Variants in GLRX5 observed in about 807,000 individuals in gnomAD.
GLRX5 encodes the protein glutaredoxin 5, also known as glutaredoxin-related protein 5, mitochondrial.
In GLRX5, 10 loss-of-function variants were observed where a neutral mutation model predicts 13.8. That is an observed-to-expected ratio of 0.72 (90% CI 0.45 to 1.23). The LOEUF is 1.23. Among genes scored for constraint, GLRX5 ranks in the 50% most tolerant of loss-of-function variants. The pLI is 0.00. For missense variants in GLRX5, 233 were observed against 215.2 expected (o/e 1.08, Z -0.52); for synonymous variants, 98 against 101.1 (o/e 0.97, Z 0.18).
chr14:95,541,093 A>G lies in GLRX5; in HGVS notation c.296-2854A>G, dbSNP rs530764829. Among the ~76,000 whole-genome samples the G allele has an allele frequency of 7.2e-5, 11 of 152,378 alleles. No individual in the cohort carries two copies. In the East Asian group the frequency reaches 1.9e-3, roughly 27 times the overall value. Reference sequence around the variant, plus strand: ...AGATGGAATCACCACCGTCTATCACATATGAAATAATGATTATCATTAAAA... The same window carrying G: ...AGATGGAATCACCACCGTCTATCACGTATGAAATAATGATTATCATTAAAA... On this transcript the variant is annotated intron_variant, in intron 1 of 1. Transcript: ENST00000331334.
intron 1 of GLRX5, among the ~76,000 whole-genome samples, chr14:95,537,953 ACAT>A (rs1171761963): frequency 6.6e-6 from 1 of 152,258 alleles, no homozygotes; most frequent in Non-Finnish European, 1.5e-5. Flanking sequence ...CAGTAGACTG[ACAT>A]CATCATTTCC....
chr14:95,541,641 G>T (rs192033363), intron 1 of GLRX5, among the ~76,000 whole-genome samples: 113 of 152,294 alleles, frequency 7.4e-4, no homozygotes, highest in African/African-American at 2.6e-3. Context: ...AATTTTGGTG[G>T]TAAGGATTCT....
At chr14:95,539,503 C>A (rs1159988797) in intron 1 of GLRX5, among the ~76,000 whole-genome samples, 1 of 152,154 alleles carries the variant, frequency 6.6e-6, no homozygotes, top group Admixed American at 6.5e-5. Context: ...TGGCATAATA[C>A]CATTTGTATA....
intron 1 of GLRX5, among the ~76,000 whole-genome samples, chr14:95,540,916 C>T (rs987080403): frequency 3.9e-5 from 6 of 152,134 alleles, no homozygotes; most frequent in African/African-American, 1.4e-4. Context: ...TGTACTCTTT[C>T]TGGGTTGATA....
chr14:95,540,082 G>T (rs1177045997), intron 1 of GLRX5, among the ~76,000 whole-genome samples: 1 of 151,980 alleles, frequency 6.6e-6, no homozygotes, highest in Non-Finnish European at 1.5e-5. Context: ...GTAGGGACAG[G>T]GTTTCACCAT....
At chr14:95,535,407 G>A in intron 1 of GLRX5, 23 bp downstream of exon 1, 1 of 1,541,564 alleles carries the variant, frequency 6.5e-7, no homozygotes, top group Non-Finnish European at 8.7e-7. Context: ...TGCCGGGCAG[G>A]CGCCCTCCGC....
chr14:95,544,540 A>C lies in GLRX5; in HGVS notation c.*415A>C. ...TATGGAAAATGGTGAACAAAAAAAG[A>C]AACTGTGATAACTGGGGCGTTGTTT... On this transcript the variant is annotated 3_prime_UTR_variant, in exon 2 of 2. Coordinates refer to ENST00000331334, the MANE Select transcript of GLRX5 (RefSeq NM_016417.3). 1 of 212,724 alleles carries C rather than the reference A, an allele frequency of 4.7e-6. No individual in the cohort carries two copies. The highest frequency in any genetic ancestry group is 9.6e-6 in the Non-Finnish European group (1 of 104,178). 13.2% of individuals were successfully genotyped at this position (212,724 alleles called of 1,614,324 possible).
intron 1 of GLRX5, chr14:95,543,044 CAT>C (rs781299693): frequency 2.2e-5 from 10 of 455,968 alleles, no homozygotes; most frequent in South Asian, 9.3e-5. Flanking sequence ...TCCCTCATCT[CAT>C]GTGTGTCCTC....
chr14:95,539,390 A>G (rs573889618), intron 1 of GLRX5, among the ~76,000 whole-genome samples: 95 of 152,372 alleles, frequency 6.2e-4, no homozygotes, highest in African/African-American at 2.3e-3. Context: ...CATGATGGAA[A>G]GCTAAACTGT....
intron 1 of GLRX5, chr14:95,542,996 T>C: frequency 2.2e-6 from 1 of 455,098 alleles, no homozygotes; most frequent in Non-Finnish European, 4.4e-6. Context: ...GGCTCAGAAT[T>C]GAACAGAGTA....
intron 1 of GLRX5, 136 bp downstream of exon 1, chr14:95,535,520 G>A: frequency 1.2e-6 from 1 of 822,554 alleles, no homozygotes. Flanking sequence ...TTCGAGCCGG[G>A]TTAGGGCGAG....
intron 1 of GLRX5, among the ~76,000 whole-genome samples, chr14:95,540,456 G>A (rs1347422789): frequency 1.3e-5 from 2 of 152,270 alleles, no homozygotes; most frequent in South Asian, 4.1e-4. Context: ...GAGGCTAAAA[G>A]ATTAACAGAT....
At position 95,543,126 on chromosome 14, in the gene GLRX5, A is replaced by G. The variant is rs762580951; in HGVS notation, c.296-821A>G. The G allele has an allele frequency of 2.4e-5, 11 of 455,870 alleles. 1 individual carries two copies. Among genetic ancestry groups the G allele is most frequent in the South Asian group, 1.7e-4 (11 of 64,560 alleles). 28.2% of individuals were successfully genotyped at this position (455,870 alleles called of 1,614,324 possible). A position where few individuals can be genotyped will look rare whatever the true frequency, so the allele number is the denominator to read the frequency against. On this transcript the variant is annotated intron_variant, in intron 1 of 1. Coordinates refer to ENST00000331334, the MANE Select transcript of GLRX5 (RefSeq NM_016417.3). ...TTCTTGGCTGCTGTGAGCGCTTAAGAGCAGAGCGGGTCTCACTCCCCCACC... is the reference window on the plus strand; with the variant it reads ...TTCTTGGCTGCTGTGAGCGCTTAAGGGCAGAGCGGGTCTCACTCCCCCACC...
At position 95,543,884 on chromosome 14, in the gene GLRX5, A is replaced by G. The variant is rs139751332; in HGVS notation, c.296-63A>G. ...TGCTACTAGTGGGTCAAAATTACAT[A>G]TTTAGTCATGAATGGTTCAGCTTTT... On this transcript the variant is annotated intron_variant, in intron 1 of 1. Coordinates refer to ENST00000331334, the MANE Select transcript of GLRX5 (RefSeq NM_016417.3). 2.1e-4 allele frequency: 306 copies of G among 1,430,576 alleles called. 3 individuals carry two copies. The East Asian group carries it at 5.8e-3, about 27-fold the overall frequency. The allele number at this position is 1,430,576 out of a possible 1,614,324, so 88.6% of individuals were successfully genotyped here. A position where few individuals can be genotyped will look rare whatever the true frequency, so the allele number is the denominator to read the frequency against.
chr14:95,538,162 G>A (rs76323922), intron 1 of GLRX5, among the ~76,000 whole-genome samples: 19,680 of 152,036 alleles, frequency 0.13, 1,448 homozygotes, highest in Non-Finnish European at 0.15. Flanking sequence ...CTCCAGAGAC[G>A]AGGGAATATG....
chr14:95,538,543 G>A (rs1256691484), intron 1 of GLRX5, among the ~76,000 whole-genome samples: 3 of 152,204 alleles, frequency 2.0e-5, no homozygotes, highest in Admixed American at 6.5e-5. Context: ...CTTGTGTGGT[G>A]CACATGTATG....
At chr14:95,543,352 A>AC in intron 1 of GLRX5, 1 of 344,244 alleles carries the variant, frequency 2.9e-6, no homozygotes, top group South Asian at 2.2e-5. Context: ...AAAAAAAAAA[A>AC]AAACTCAACA....
At chr14:95,540,975 A>G (rs183227085) in intron 1 of GLRX5, among the ~76,000 whole-genome samples, 1 of 152,350 alleles carries the variant, frequency 6.6e-6, no homozygotes, top group African/African-American at 2.4e-5. Flanking sequence ...GGAGCATTAG[A>G]TGCGTGTAAA....
At position 95,535,231 on chromosome 14, in the gene GLRX5, C is replaced by T; in HGVS notation, c.142C>T (p.Leu48=). 6.4e-7 allele frequency: 1 copy of T among 1,558,358 alleles called. No individual in the cohort carries two copies. Among genetic ancestry groups the T allele is most frequent in the Admixed American group, 2.0e-5 (1 of 51,264 alleles). The change falls in exon 1 of 2, where the codon CTG becomes TTG. Residue 48 remains leucine, a synonymous_variant. Transcript: ENST00000331334. The part of the protein sequence containing the change: ...GGGSAEQLDA[L]VKKDKVVVFL... ...CGGCTCGGCGGAGCAGTTGGACGCG[C>T]TGGTGAAGAAGGACAAGGTGGTGGT...
Sources: allele counts gnomAD v4.1 joint callset (sites outside exome capture counted in the v4.1 genomes callset), GRCh38; gene constraint gnomAD v4.1.1; transcripts MANE v1.5; gene names NCBI Gene and HGNC (gene_info 2026-07-23, HGNC 2026-07-21).